SERHL2: variants seen among roughly 807,000 people sequenced by gnomAD.
SERHL2 encodes serine hydrolase-like protein 2.
In SERHL2, 29 loss-of-function variants were observed where a neutral mutation model predicts 25.5. That is an observed-to-expected ratio of 1.14 (90% CI 0.85 to 1.55). The LOEUF (loss-of-function observed/expected upper bound fraction) is 1.55, where lower values mean the gene tolerates loss of function less well. Ranked by LOEUF, SERHL2 falls within the 40% of genes most tolerant of loss-of-function variation. The pLI is 0.00. For missense variants in SERHL2, 240 were observed against 252.3 expected (o/e 0.95, Z 0.33); for synonymous variants, 95 against 103.5 (o/e 0.92, Z 0.50).
At chr22:42,571,227 A>C (rs1367971344) in intron 10 of SERHL2, 24 bp downstream of exon 10, 3 of 1,607,012 alleles carry the variant, frequency 1.9e-6, no homozygotes, top group African/African-American at 1.3e-5. Context: ...CATCCCCTTC[A>C]GCCACCCGCC....
chr22:42,572,615 G>C (rs566073385), intron 11 of SERHL2, 86 bp downstream of exon 11: 2 of 1,545,646 alleles, frequency 1.3e-6, no homozygotes, highest in Non-Finnish European at 1.8e-6. Context: ...GCACTGGGAA[G>C]ACCCTGGGTC....
intron 10 of SERHL2, chr22:42,571,703 T>A (rs5751307): frequency 0.031 from 4,563 of 145,148 alleles, 17 homozygotes; most frequent in Admixed American, 0.041. Context: ...ATTACAGGCG[T>A]GAGCCACCGT....
intron 7 of SERHL2, among the ~76,000 whole-genome samples, chr22:42,559,748 G>A (rs1032207919): frequency 2.0e-5 from 3 of 151,696 alleles, no homozygotes; most frequent in Admixed American, 6.6e-5. Context: ...AAAAAATCAC[G>A]AGACACATGC....
chr22:42,573,487 C>G (rs926886180), intron 11 of SERHL2: 1 of 164,734 alleles, frequency 6.1e-6, no homozygotes. Context: ...TCGTGATCCG[C>G]CCACCTTGGC....
chr22:42,563,270 C>T (rs1228852599), intron 8 of SERHL2: 3 of 198,668 alleles, frequency 1.5e-5, no homozygotes, highest in South Asian at 1.1e-4. Context: ...GTGGCGTGAC[C>T]ATGGCTCACT....
In SERHL2 at chr22:42,563,432, G is replaced by C. The variant is rs571753450; in HGVS notation, c.614-2872G>C. The C allele has an allele frequency of 1.9e-4, 86 of 442,538 alleles. 2 individuals are homozygous for C. Among genetic ancestry groups the C allele is most frequent in the South Asian group, 1.3e-3 (85 of 63,010 alleles). The allele number at this position is 442,538 out of a possible 1,614,324, so 27.4% of individuals were successfully genotyped here. ...TTGCCCAGGCTGGTCTCGAACTCCT[G>C]AACTCAAGCGATCCTACTGACTCGA... On this transcript the variant is annotated intron_variant, in intron 8 of 11. Transcript: ENST00000327678.
chr22:42,554,019 C>G lies in SERHL2; in HGVS notation c.-2C>G. ...CAGCAGCGCATTCGCGGGACGAGAG[C>G]GATGAGTGAGAACGCCGCACCAGGT... On this transcript the variant is annotated 5_prime_UTR_variant, in exon 1 of 12. Coordinates refer to ENST00000327678, the MANE Select transcript of SERHL2 (RefSeq NM_014509.5). 1.2e-6 allele frequency: 2 copies of G among 1,613,582 alleles called. No homozygotes were observed. Among genetic ancestry groups the G allele is most frequent in the South Asian group, 1.1e-5 (1 of 91,046 alleles).
At chr22:42,569,137 T>A (rs1251335485) in intron 9 of SERHL2, 1 of 107,944 alleles carries the variant, frequency 9.3e-6, no homozygotes, top group Non-Finnish European at 1.9e-5. Flanking sequence ...AATTTTTTTT[T>A]TTTTCTTGCA....
chr22:42,572,535 A>T lies in SERHL2; in HGVS notation c.825+6A>T, dbSNP rs149382400. The T allele has an allele frequency of 1.2e-6, 2 of 1,611,214 alleles. No individual in the cohort carries two copies. Among genetic ancestry groups the T allele is most frequent in the African/African-American group, 2.7e-5 (2 of 74,898 alleles). ...TGAAATCCACCCTCAAAGAGGTAAG[A>T]CGGGGCTCAGGCAGCTGGTGTCCAG... On this transcript the variant is annotated splice_donor_region_variant and intron_variant, in intron 11 of 11. Transcript: ENST00000327678.
intron 8 of SERHL2, chr22:42,563,312 T>C (rs2146699537): frequency 3.6e-6 from 1 of 274,078 alleles, no homozygotes; most frequent in Non-Finnish European, 7.6e-6. Context: ...CAGGCGATCC[T>C]CCTACCTCAG....
At chr22:42,570,825 C>T (rs1158727144) in intron 9 of SERHL2, among the ~76,000 whole-genome samples, 1 of 152,092 alleles carries the variant, frequency 6.6e-6, no homozygotes, top group Non-Finnish European at 1.5e-5. Flanking sequence ...ACTCACTTCT[C>T]TGCCTTTAAT....
chr22:42,573,743 A>C lies in SERHL2; in HGVS notation c.826-193A>C. The C allele has an allele frequency of 9.0e-6, 6 of 667,380 alleles. No homozygotes were observed. In the South Asian group the frequency reaches 1.1e-4, roughly 12 times the overall value. The allele number at this position is 667,380 out of a possible 1,614,324, so 41.3% of individuals were successfully genotyped here. A position where few individuals can be genotyped will look rare whatever the true frequency, so the allele number is the denominator to read the frequency against. On this transcript the variant is annotated intron_variant, in intron 11 of 11. Transcript: ENST00000327678. ...ACCCCTGGGAGGCCTCCAAGTCCCT[A>C]GGGTTAGACACCTCCTGGGGTGCTA...
At position 42,553,983 on chromosome 22, in the gene SERHL2, TGAGG is replaced by T; in HGVS notation, c.-34_-31del. 2 of 1,612,590 alleles carry T rather than the reference TGAGG, an allele frequency of 1.2e-6. No homozygotes were observed. Among genetic ancestry groups the T allele is most frequent in the South Asian group, 2.2e-5 (2 of 90,976 alleles). ...TCTGCTCCTGCGACCTAGCCAGGCGTGAGGGAGTGACAGCAGCGCATTCGCGGGA... is the reference window on the plus strand; with the variant it reads ...TCTGCTCCTGCGACCTAGCCAGGCGTGAGTGACAGCAGCGCATTCGCGGGA... On this transcript the variant is annotated 5_prime_UTR_variant, in exon 1 of 12. Coordinates refer to ENST00000327678, the MANE Select transcript of SERHL2 (RefSeq NM_014509.5).
At position 42,554,032 on chromosome 22, in the gene SERHL2, C is replaced by G. The variant is rs372596096; in HGVS notation, c.12C>G (p.Asn4Lys). MSE[N>K]AAPGLISELK... is the part of the protein sequence containing the mutation. ...GCGGGACGAGAGCGATGAGTGAGAA[C>G]GCCGCACCAGGTCTGACGGGGAGGC... Residue 4 changes from asparagine (N) to lysine (K), a missense_variant, in exon 1 of 12, where the codon AAC (asparagine) becomes AAG (lysine). By Grantham distance (94) the Asn-to-Lys change is moderately conservative (BLOSUM62 0). This residue lies in a region of SERHL2 where 18 missense variants were observed against 16.0 expected (regional missense o/e 1.12). Transcript: ENST00000327678. 7 of 1,613,614 alleles carry G rather than the reference C, an allele frequency of 4.3e-6. No homozygotes were observed. In the African/African-American group the frequency reaches 9.3e-5, roughly 22 times the overall value.
chr22:42,572,452 T>C lies in SERHL2; in HGVS notation c.748T>C (p.Phe250Leu), dbSNP rs368107570. Residue 250 changes from phenylalanine to leucine, a missense_variant, in exon 11 of 12, where the codon TTT becomes CTT. Coordinates refer to ENST00000327678, the MANE Select transcript of SERHL2 (RefSeq NM_014509.5). ...ACTTTCCAGAGCAGTCCACGGATAT[T>C]TTGATTCAAGACAGAATTACTCTGA... is the stretch of plus-strand genomic sequence containing the variant. ...VLLIKAVHGY[F>L]DSRQNYSEKE... 1.2e-6 allele frequency: 2 copies of C among 1,610,880 alleles called. No individual in the cohort carries two copies. Among genetic ancestry groups the C allele is most frequent in the African/African-American group, 2.7e-5 (2 of 74,902 alleles).
At chr22:42,572,621 G>A in intron 11 of SERHL2, 92 bp downstream of exon 11, 1 of 1,525,134 alleles carries the variant, frequency 6.6e-7, no homozygotes, top group Non-Finnish European at 8.8e-7. Flanking sequence ...GGAAGACCCT[G>A]GGTCTGCCCC....
At chr22:42,563,357 C>T (rs1384175824) in intron 8 of SERHL2, 2 of 399,848 alleles carry the variant, frequency 5.0e-6, no homozygotes, top group South Asian at 3.7e-5. Context: ...GTGTGCAGAC[C>T]ACACCTGGCT....
chr22:42,564,741 C>A (rs1018015962), intron 8 of SERHL2, among the ~76,000 whole-genome samples: 3 of 151,908 alleles, frequency 2.0e-5, no homozygotes, highest in African/African-American at 7.2e-5. Flanking sequence ...TGAGGATTTT[C>A]GCATCTGACG....
chr22:42,572,774 C>T (rs545617367), intron 11 of SERHL2: 90 of 954,270 alleles, frequency 9.4e-5, no homozygotes, highest in East Asian at 1.1e-4. Flanking sequence ...AAGCTACTCT[C>T]GTGCCTCAGC....
Sources: gnomAD v4.1 joint callset for allele counts (sites outside exome capture counted in the v4.1 genomes callset) on GRCh38, gnomAD v4.1.1 for gene constraint, gnomAD v4.1.1 regional missense constraint, MANE v1.5 for transcripts, NCBI Gene and HGNC (gene_info 2026-07-23, HGNC 2026-07-21) for gene names.